Variants in NCOA6 observed in about 807,000 individuals in gnomAD.
NCOA6 encodes the protein NRC RAP250.
Under a neutral mutation model 171.4 loss-of-function variants are expected in NCOA6, and 49 were observed. The observed-to-expected ratio is 0.29, with a 90% CI of 0.23 to 0.36. The LOEUF is 0.36. Among genes scored for constraint, NCOA6 ranks in the 10% least tolerant of loss-of-function variants. The pLI is 1.00. For missense variants in NCOA6, 2,248 were observed against 2,554.5 expected, an observed-to-expected ratio of 0.88 and a Z score of 2.59; for synonymous variants, 910 against 927.5, an observed-to-expected ratio of 0.98 and a Z score of 0.34.
At chr20:34,716,180 CT>C (rs1449761618) in intron 14 of NCOA6, among the ~76,000 whole-genome samples, 10 of 133,914 alleles carry the variant, frequency 7.5e-5, no homozygotes, top group Non-Finnish European at 3.1e-5. Flanking sequence ...TATCCCACCA[CT>C]GTACTGTAGC....
rs1568768080 is a variant in NCOA6 at position 34,749,796 on chromosome 20, TGCTGGGCCATGTGTGG to T, written c.2383_2398del (p.Pro795SerfsTer18). 6.2e-7 allele frequency: 1 copy of T among 1,614,156 alleles called. No homozygotes were observed. Among genetic ancestry groups the T allele is most frequent in the Non-Finnish European group, 8.5e-7 (1 of 1,180,054 alleles). On this transcript the variant is annotated frameshift_variant, in exon 9 of 15. Coordinates refer to ENST00000359003, the MANE Select transcript of NCOA6 (RefSeq NM_014071.5). LOFTEE classifies it high-confidence loss of function. ...TGCTGTAGTAGCAGGATCACCATGC[TGCTGGGCCATGTGTGG>T]GCTGGGCCCTGGTGGCCGCAGGACC...
intron 10 of NCOA6, among the ~76,000 whole-genome samples, chr20:34,746,417 A>C (rs1188023349): frequency 6.6e-6 from 1 of 152,076 alleles, no homozygotes; most frequent in Non-Finnish European, 1.5e-5. Flanking sequence ...TTTTTAAAAA[A>C]TTTTTAGTAG....
chr20:34,715,289 C>G lies in NCOA6; in HGVS notation c.*33G>C. ...AATTGCTCTTTGTAAAAGTCACACACATTTCCAAGTATCAAGTCGCAGTCC... is the reference window on the plus strand; with the variant it reads ...AATTGCTCTTTGTAAAAGTCACACAGATTTCCAAGTATCAAGTCGCAGTCC... On this transcript the variant is annotated 3_prime_UTR_variant, in exon 15 of 15. Coordinates refer to ENST00000359003, the MANE Select transcript of NCOA6 (RefSeq NM_014071.5). The G allele has an allele frequency of 6.2e-7, 1 of 1,613,736 alleles. No individual in the cohort carries two copies. Among genetic ancestry groups the G allele is most frequent in the South Asian group, 1.1e-5 (1 of 91,058 alleles).
rs1175178045 is a variant in NCOA6, at chr20:34,749,754, A to G, written c.2441T>C (p.Leu814Ser). Residue 814 changes from leucine to serine, a missense_variant, in exon 9 of 15, where the codon TTA (leucine) becomes TCA (serine). Leu to Ser is a moderately radical substitution (Grantham distance 145). Coordinates refer to ENST00000359003, the MANE Select transcript of NCOA6 (RefSeq NM_014071.5). ...PATTANNDVS[L>S]SQMMPDVSIQ... ...GCTAACATCAGGCATCATCTGAGATAAACTGACATCGTTATTTGCTGTAGT... is the reference window on the plus strand; with the variant it reads ...GCTAACATCAGGCATCATCTGAGATGAACTGACATCGTTATTTGCTGTAGT... 4 of 1,614,110 alleles carry G rather than the reference A, an allele frequency of 2.5e-6. No individual in the cohort carries two copies. Among genetic ancestry groups the G allele is most frequent in the Non-Finnish European group, 3.4e-6 (4 of 1,180,018 alleles).
intron 2 of NCOA6, among the ~76,000 whole-genome samples, chr20:34,786,692 G>C (rs558323283): frequency 6.6e-6 from 1 of 152,092 alleles, no homozygotes; most frequent in Non-Finnish European, 1.5e-5. Context: ...TAATTTGATT[G>C]TGCTATGATC....
rs147739981 is a variant in NCOA6, at chr20:34,741,575, G to A, written c.4681C>T (p.His1561Tyr). ...GAACTGACCTCACTCAATTCGGGAT[G>A]CACAAGGGATGAACACAGCTCATTA... The part of the protein sequence containing the change: ...HSNELCSSLV[H>Y]PELSEVSSNV... The change falls in exon 11 of 15, where the codon CAT becomes TAT. Residue 1561 changes from histidine to tyrosine, a missense_variant. This residue lies in a region of NCOA6 where 884 missense variants were observed against 941.9 expected (regional missense o/e 0.94). Coordinates refer to ENST00000359003, the MANE Select transcript of NCOA6 (RefSeq NM_014071.5). 6 of 1,614,100 alleles carry A rather than the reference G, an allele frequency of 3.7e-6. No individual in the cohort carries two copies. The highest frequency in any genetic ancestry group is 5.1e-6 in the Non-Finnish European group (6 of 1,180,052).
At chr20:34,739,071 C>G (rs1470260907) in intron 11 of NCOA6, 1 of 420,660 alleles carries the variant, frequency 2.4e-6, no homozygotes, top group Admixed American at 2.4e-5. Context: ...AGGAACATGT[C>G]AGGGAAGGGA....
chr20:34,775,000 C>T (rs2077263046), intron 4 of NCOA6, among the ~76,000 whole-genome samples: 1 of 152,108 alleles, frequency 6.6e-6, no homozygotes, highest in Non-Finnish European at 1.5e-5. Flanking sequence ...AATACATCCT[C>T]AAGATTTAAG....
At chr20:34,799,669 C>G (rs2078193072) in intron 1 of NCOA6, among the ~76,000 whole-genome samples, 1 of 152,036 alleles carries the variant, frequency 6.6e-6, no homozygotes, top group Non-Finnish European at 1.5e-5. Context: ...AGTGGAAACC[C>G]TATAGGCCAG....
At chr20:34,809,497 G>C (rs913225370) in intron 1 of NCOA6, 2 of 398,258 alleles carry the variant, frequency 5.0e-6, no homozygotes, top group Non-Finnish European at 8.8e-6. Flanking sequence ...TTAGTCAGTG[G>C]GACCCCTCTC....
intron 5 of NCOA6, among the ~76,000 whole-genome samples, chr20:34,767,718 T>C (rs1350225667): frequency 1.3e-5 from 2 of 152,228 alleles, no homozygotes; most frequent in Non-Finnish European, 2.9e-5. Flanking sequence ...CCACAGCAGC[T>C]GTGCTTTTCT....
chr20:34,777,829 T>C (rs1239829734), intron 3 of NCOA6, among the ~76,000 whole-genome samples: 4 of 152,104 alleles, frequency 2.6e-5, no homozygotes, highest in Admixed American at 2.0e-4. Context: ...TTACCCACAA[T>C]AGCTAAGATA....
chr20:34,752,871 G>A (rs1233420989), intron 8 of NCOA6, among the ~76,000 whole-genome samples: 10 of 146,036 alleles, frequency 6.8e-5, no homozygotes, highest in Non-Finnish European at 1.5e-4. Flanking sequence ...CCGAGACTGC[G>A]CCACTGCACT....
chr20:34,797,732 G>C (rs143296831), intron 1 of NCOA6, among the ~76,000 whole-genome samples: 102 of 152,008 alleles, frequency 6.7e-4, no homozygotes, highest in Non-Finnish European at 1.0e-3. Flanking sequence ...TACTAAAAAT[G>C]CAAAAATTAG....
In NCOA6 at chr20:34,751,376, C is replaced by CA. The variant is rs35848122; in HGVS notation, c.1676-858dup. The stretch of plus-strand genomic sequence containing the variant: ...TGGGCGACAGAGCAAGACTCCGTCT[C>CA]AAAAAAAAAAAAAAAAAAAAGAATG... On this transcript the variant is annotated intron_variant, in intron 8 of 14. Coordinates refer to ENST00000359003, the MANE Select transcript of NCOA6 (RefSeq NM_014071.5). Among the ~76,000 whole-genome samples the CA allele has an allele frequency of 3.5e-3, 239 of 68,222 alleles. 20 individuals are homozygous for CA. Among genetic ancestry groups the CA allele is most frequent in the East Asian group, 0.031 (60 of 1,946 alleles). 44.8% of individuals were successfully genotyped at this position (68,222 alleles called of 152,430 possible). A position where few individuals can be genotyped will look rare whatever the true frequency, so the allele number is the denominator to read the frequency against.
Position 34,741,746 on chromosome 20 carries a change from T to C in NCOA6, c.4510A>G (p.Thr1504Ala), listed in dbSNP as rs1471207893. Residue 1504 changes from threonine (T) to alanine (A), a missense_variant, in exon 11 of 15, where the codon ACA becomes GCA. By Grantham distance (58) the Thr-to-Ala change is moderately conservative (BLOSUM62 0). Coordinates refer to ENST00000359003, the MANE Select transcript of NCOA6 (RefSeq NM_014071.5). ...TCTGTAAGCCCAGGGGGTTTAATTG[T>C]CACATTGGGAGCTCCAGAGTTGTCA... ...LLDNSGAPNV[T>A]IKPPGLTDLE... 3.1e-6 allele frequency: 5 copies of C among 1,614,166 alleles called. No individual in the cohort carries two copies. The highest frequency in any genetic ancestry group is 4.2e-6 in the Non-Finnish European group (5 of 1,180,016).
intron 3 of NCOA6, among the ~76,000 whole-genome samples, chr20:34,780,922 G>A (rs2077500013): frequency 6.6e-6 from 1 of 152,126 alleles, no homozygotes; most frequent in East Asian, 1.9e-4. Flanking sequence ...CCAAAGTGCT[G>A]GGATTACAGG....
intron 5 of NCOA6, among the ~76,000 whole-genome samples, chr20:34,765,542 T>A (rs2076957592): frequency 6.6e-6 from 1 of 151,806 alleles, no homozygotes; most frequent in Non-Finnish European, 1.5e-5. Context: ...ATAGTGACAC[T>A]ATAACATGCA....
intron 1 of NCOA6, chr20:34,820,932 C>T (rs1270333054): frequency 2.0e-5 from 3 of 152,110 alleles, no homozygotes; most frequent in South Asian, 2.1e-4. Context: ...ATTATCTAAT[C>T]CGTGTAAAGC....
Sources: gnomAD v4.1 joint callset for allele counts (sites outside exome capture counted in the v4.1 genomes callset) on GRCh38, gnomAD v4.1.1 for gene constraint, gnomAD v4.1.1 regional missense constraint, MANE v1.5 for transcripts, NCBI Gene and HGNC (gene_info 2026-07-23, HGNC 2026-07-21) for gene names.